The following OPRM1 variants were observed in gnomAD, a reference collection of about 807,000 sequenced individuals.
OPRM1 encodes opioid receptor mu 1.
In OPRM1, 27 loss-of-function variants were observed where a neutral mutation model predicts 31.8. That is an observed-to-expected ratio of 0.85 (90% CI 0.63 to 1.17). The LOEUF is 1.17. Ranked by LOEUF, OPRM1 falls within the 50% of genes most tolerant of loss-of-function variation. The pLI is 0.00. For missense variants in OPRM1, 536 were observed against 511.1 expected (o/e 1.05, Z -0.47); for synonymous variants, 196 against 189.9 (o/e 1.03, Z -0.26).
chr6:154,177,333 T>A (rs1354461916), intron 3 of OPRM1, among the ~76,000 whole-genome samples: 1 of 152,006 alleles, frequency 6.6e-6, no homozygotes. Context: ...AAAGAAACTA[T>A]CATCAAAGTG....
chr6:154,212,639 TG>T lies in OPRM1; in HGVS notation c.1165-34053del, dbSNP rs1223144283. 3 of 632,170 alleles carry T rather than the reference TG, an allele frequency of 4.7e-6. No homozygotes were observed. In the East Asian group the frequency reaches 8.2e-5, roughly 17 times the overall value. 39.2% of individuals were successfully genotyped at this position (632,170 alleles called of 1,614,324 possible). On this transcript the variant is annotated intron_variant, in intron 3 of 3. Coordinates refer to the OPRM1 transcript ENST00000337049. ...AAATCAGCACCCTGAAAATTGCACT[TG>T]CTCGTTGGCAGGTATCTTAATTTAG...
At chr6:154,180,410 A>ATTTT (rs1203931756) in intron 3 of OPRM1, among the ~76,000 whole-genome samples, 20 of 40,412 alleles carry the variant, frequency 4.9e-4, no homozygotes, top group African/African-American at 1.0e-3. Context: ...ATATATATAT[A>ATTTT]TATATTTTTT....
At chr6:154,244,313 T>TGG (rs1780856838) in intron 3 of OPRM1, among the ~76,000 whole-genome samples, 1 of 151,316 alleles carries the variant, frequency 6.6e-6, no homozygotes, top group African/African-American at 2.4e-5. Context: ...TGTGTGTGTG[T>TGG]GTGTGTGTGT....
chr6:154,165,139 C>A (rs778345061), intron 3 of OPRM1, among the ~76,000 whole-genome samples: 3 of 152,106 alleles, frequency 2.0e-5, no homozygotes, highest in Non-Finnish European at 2.9e-5. Flanking sequence ...ATGATATATT[C>A]TCTGTGCAAT....
Position 154,160,052 on chromosome 6 carries a change from G to A in OPRM1, c.1164+68580G>A, listed in dbSNP as rs200583937. The A allele has an allele frequency of 3.2e-5, 50 of 1,582,918 alleles. No individual in the cohort carries two copies. In the African/African-American group the frequency reaches 3.8e-4, roughly 12 times the overall value. ...TCATGTTCTTTACACTGTGTGAGTA[G>A]AAAAAAAGGGGAAGGGGGTATGTTG... On this transcript the variant is annotated intron_variant, in intron 3 of 3. Coordinates refer to the OPRM1 transcript ENST00000337049.
chr6:154,010,905 C>G, exon 1 of OPRM1: 1 of 1,320,050 alleles, frequency 7.6e-7, no homozygotes, highest in South Asian at 1.2e-5. Context: ...AGGACCAGCC[C>G]TTACATCCCA....
At chr6:154,023,027 A>G (rs1250788237) in intron 1 of OPRM1, among the ~76,000 whole-genome samples, 1 of 152,016 alleles carries the variant, frequency 6.6e-6, no homozygotes, top group Non-Finnish European at 1.5e-5. Context: ...AGCTTTGGCT[A>G]TTCTGGGTCT....
chr6:154,047,610 A>G (rs992253519), intron 1 of OPRM1, among the ~76,000 whole-genome samples: 1 of 152,240 alleles, frequency 6.6e-6, no homozygotes, highest in Non-Finnish European at 1.5e-5. Context: ...AAACCAATGG[A>G]TAGGGCTTTC....
At chr6:154,080,501 C>T (rs1788847350) in intron 1 of OPRM1, among the ~76,000 whole-genome samples, 1 of 152,228 alleles carries the variant, frequency 6.6e-6, no homozygotes, top group Non-Finnish European at 1.5e-5. Flanking sequence ...TCTGACATTT[C>T]AAACCTCATT....
At chr6:154,116,119 C>T (rs1796850570) in intron 3 of OPRM1, among the ~76,000 whole-genome samples, 1 of 152,114 alleles carries the variant, frequency 6.6e-6, no homozygotes, top group Admixed American at 6.6e-5. Context: ...GTAGTGGAAT[C>T]CTCAACCTTG....
intron 1 of OPRM1, among the ~76,000 whole-genome samples, chr6:154,029,703 C>T (rs769027270): frequency 2.6e-5 from 4 of 152,160 alleles, no homozygotes; most frequent in East Asian, 3.9e-4. Flanking sequence ...CCATAATCCC[C>T]GCATGTCATG....
chr6:154,211,471 C>T (rs1258418148), intron 3 of OPRM1, among the ~76,000 whole-genome samples: 1 of 151,920 alleles, frequency 6.6e-6, no homozygotes, highest in African/African-American at 2.4e-5. Context: ...GACTGGGATT[C>T]CCATCTCAGG....
chr6:154,150,543 C>T (rs1468562039), intron 3 of OPRM1, among the ~76,000 whole-genome samples: 1 of 152,206 alleles, frequency 6.6e-6, no homozygotes, highest in African/African-American at 2.4e-5. Flanking sequence ...AAGGTCCCTG[C>T]CTCATGGGAA....
At chr6:154,068,872 C>T (rs572820123) in intron 1 of OPRM1, among the ~76,000 whole-genome samples, 151 of 152,216 alleles carry the variant, frequency 9.9e-4, no homozygotes, top group African/African-American at 3.4e-3. Flanking sequence ...CACCACTTAC[C>T]TTTTGTATTT....
chr6:154,139,748 G>A (rs1798149042), intron 3 of OPRM1, among the ~76,000 whole-genome samples: 1 of 152,116 alleles, frequency 6.6e-6, no homozygotes, highest in African/African-American at 2.4e-5. Context: ...GACACTTAAG[G>A]CCCCTGGTAA....
rs1797246370 is a variant in OPRM1, at chr6:154,120,559, A to C, written c.*1838A>C. Among the ~76,000 whole-genome samples, 2 of 152,170 alleles carry C rather than the reference A, an allele frequency of 1.3e-5. No homozygotes were observed. The highest frequency in any genetic ancestry group is 6.5e-5 in the Admixed American group (1 of 15,272). ...CTTAAAAAGATTTAGAATGTTAAAT[A>C]AGTGTACTAGGGTGTATATATTTAC... On this transcript the variant is annotated 3_prime_UTR_variant, in exon 4 of 4. Coordinates refer to ENST00000330432, the MANE Select transcript of OPRM1 (RefSeq NM_000914.5).
chr6:154,085,568 T>C (rs1583448755), intron 1 of OPRM1, among the ~76,000 whole-genome samples: 1 of 152,060 alleles, frequency 6.6e-6, no homozygotes, highest in African/African-American at 2.4e-5. Flanking sequence ...ATAGGAAGGG[T>C]CAATATCAGG....
In OPRM1 at chr6:154,126,148, C is replaced by T. The variant is rs494612; in HGVS notation, c.*7427C>T. 0.1 allele frequency among the ~76,000 whole-genome samples: 12,713 copies of T among 125,484 alleles called. 1,351 individuals carry two copies. Among genetic ancestry groups the T allele is most frequent in the Non-Finnish European group, 0.17 (8,981 of 54,094 alleles). 82.3% of individuals were successfully genotyped at this position (125,484 alleles called of 152,430 possible). ...ATTCACAGGGTTACAAAATACCAAA[C>T]GGAAATGAGATAAGTGGTATAAACC... On this transcript the variant is annotated 3_prime_UTR_variant, in exon 4 of 4. Transcript: ENST00000330432.
intron 3 of OPRM1, among the ~76,000 whole-genome samples, chr6:154,225,489 CA>C (rs1177164941): frequency 6.6e-6 from 1 of 152,172 alleles, no homozygotes; most frequent in East Asian, 1.9e-4. Flanking sequence ...AAACCAGACA[CA>C]AAAGCTCATC....
Sources: gnomAD v4.1 joint callset for allele counts (sites outside exome capture counted in the v4.1 genomes callset) on GRCh38, gnomAD v4.1.1 for gene constraint, MANE v1.5 for transcripts, NCBI Gene and HGNC (gene_info 2026-07-23, HGNC 2026-07-21) for gene names.